Variants in MMP26 observed in about 807,000 individuals in gnomAD.
MMP26 encodes the protein matrix metallopeptidase 26, also known as matrix metalloproteinase-26.
A neutral mutation model predicts 31.0 loss-of-function variants in MMP26; 33 were observed. That is an observed-to-expected ratio of 1.06 (90% CI 0.81 to 1.42). MMP26 has a LOEUF of 1.42. MMP26 is among the 40% of genes most tolerant of loss of function. The pLI, the probability that MMP26 is intolerant of heterozygous loss-of-function variation, is 0.00. For missense variants in MMP26, 347 were observed against 316.1 expected (o/e 1.10, Z -0.74); for synonymous variants, 122 against 114.9 (o/e 1.06, Z -0.40).
rs867720989 is a variant in MMP26 at position 4,822,075 on chromosome 11, C to A, written c.-145+54734C>A. 31 of 1,613,682 alleles carry A rather than the reference C, an allele frequency of 1.9e-5. No individual in the cohort carries two copies. The Middle Eastern group carries it at 6.6e-4, about 34-fold the overall frequency. ...GGTTTGACTGCCCTTGCATCCTGCT[C>A]TCCTATATCCTGATCATTCGATCTG... On this transcript the variant is annotated intron_variant, in intron 2 of 7. Transcript: ENST00000380390.
At chr11:4,961,335 C>T (rs117899983) in intron 2 of MMP26, among the ~76,000 whole-genome samples, 2,553 of 152,288 alleles carry the variant, frequency 0.017, 28 homozygotes, top group Non-Finnish European at 0.025. Flanking sequence ...TGTATCTGTT[C>T]CCTCTGGGCC....
chr11:4,804,182 C>A lies in MMP26; in HGVS notation c.-145+36841C>A. 3 of 1,614,070 alleles carry A rather than the reference C, an allele frequency of 1.9e-6. No individual in the cohort carries two copies. The Admixed American group carries it at 5.0e-5, about 27-fold the overall frequency. ...ACCAGGTCAGTGATGGCCAGCATGGCCAGAAAGAGGTACATGGGCTCATGC... is the reference window on the plus strand; with the variant it reads ...ACCAGGTCAGTGATGGCCAGCATGGACAGAAAGAGGTACATGGGCTCATGC... On this transcript the variant is annotated intron_variant, in intron 2 of 7. Coordinates refer to ENST00000380390, the MANE Select transcript of MMP26 (RefSeq NM_021801.5).
chr11:4,753,277 T>C (rs1260909812), intron 1 of MMP26, among the ~76,000 whole-genome samples: 1 of 152,180 alleles, frequency 6.6e-6, no homozygotes. Flanking sequence ...TTGATTTTTA[T>C]ATAAATAGAA....
intron 2 of MMP26, chr11:4,923,391 A>T: frequency 6.4e-7 from 1 of 1,556,346 alleles, no homozygotes; most frequent in Non-Finnish European, 8.7e-7. Context: ...TTCCAAAAAC[A>T]CCTAAGTGAC....
At chr11:4,929,646 T>C (rs2164016) in intron 2 of MMP26, among the ~76,000 whole-genome samples, 15,581 of 152,168 alleles carry the variant, frequency 0.1, 948 homozygotes, top group Middle Eastern at 0.19. Context: ...CATTGTGAAA[T>C]AGAAGGGATA....
intron 2 of MMP26, among the ~76,000 whole-genome samples, chr11:4,870,684 G>A (rs1430029454): frequency 1.3e-5 from 2 of 152,096 alleles, no homozygotes; most frequent in Admixed American, 1.3e-4. Context: ...GTGAATTGTG[G>A]TGTGGTTAGT....
At chr11:4,946,330 G>A (rs750309930) in intron 2 of MMP26, 28 of 1,613,766 alleles carry the variant, frequency 1.7e-5, no homozygotes, top group Non-Finnish European at 2.3e-5. Flanking sequence ...CGGCCAGGTT[G>A]ATGATGGGCA....
intron 2 of MMP26, among the ~76,000 whole-genome samples, chr11:4,888,357 A>AT (rs1850571612): frequency 6.6e-6 from 1 of 152,108 alleles, no homozygotes; most frequent in Non-Finnish European, 1.5e-5. Flanking sequence ...ATAACAATGC[A>AT]TATTGTGTTA....
chr11:4,988,067 G>T lies in MMP26; in HGVS notation c.-144-1G>T. 1.4e-6 allele frequency: 1 copy of T among 728,330 alleles called. No individual in the cohort carries two copies. The allele number at this position is 728,330 out of a possible 1,614,324, so 45.1% of individuals were successfully genotyped here. On this transcript the variant is annotated splice_acceptor_variant, in intron 2 of 7. Coordinates refer to ENST00000380390, the MANE Select transcript of MMP26 (RefSeq NM_021801.5). LOFTEE classifies it low-confidence loss of function (5UTR_SPLICE). Reference sequence around the variant, plus strand: ...CATGCTGGTCACTCTGCCCTCAGCAGGTATGGATGATGACGCCACTCACAG... The same window carrying T: ...CATGCTGGTCACTCTGCCCTCAGCATGTATGGATGATGACGCCACTCACAG...
At chr11:4,956,764 C>T (rs1252423601) in intron 2 of MMP26, among the ~76,000 whole-genome samples, 3 of 152,178 alleles carry the variant, frequency 2.0e-5, no homozygotes, top group Non-Finnish European at 4.4e-5. Flanking sequence ...AGTTTTTCTC[C>T]CTTACCAAAT....
At chr11:4,901,595 A>G (rs948962879) in intron 2 of MMP26, among the ~76,000 whole-genome samples, 4 of 151,946 alleles carry the variant, frequency 2.6e-5, no homozygotes, top group African/African-American at 9.7e-5. Context: ...GGAGGTCACT[A>G]CATGTGGTAC....
intron 1 of MMP26, among the ~76,000 whole-genome samples, chr11:4,725,289 CA>C (rs1282811571): frequency 6.6e-6 from 1 of 152,158 alleles, no homozygotes; most frequent in Non-Finnish European, 1.5e-5. Context: ...ATAAAGATAA[CA>C]GCCTAAAAAG....
chr11:4,786,725 G>T (rs1848951886), intron 2 of MMP26: 1 of 152,168 alleles, frequency 6.6e-6, no homozygotes, highest in Admixed American at 6.6e-5. Context: ...GGTGCTCAAT[G>T]AAGTCAGGTA....
At chr11:4,746,727 G>A (rs914209008) in intron 1 of MMP26, among the ~76,000 whole-genome samples, 7 of 151,914 alleles carry the variant, frequency 4.6e-5, no homozygotes, top group Non-Finnish European at 4.4e-5. Context: ...CCAGTTACTC[G>A]GGAGGCAGAG....
At chr11:4,869,421 A>T (rs1397136916) in intron 2 of MMP26, among the ~76,000 whole-genome samples, 4 of 152,230 alleles carry the variant, frequency 2.6e-5, no homozygotes, top group Non-Finnish European at 5.9e-5. Context: ...ATGAACAGAC[A>T]CTTCTCAAAA....
intron 2 of MMP26, among the ~76,000 whole-genome samples, chr11:4,824,298 A>G (rs1430682484): frequency 5.9e-5 from 9 of 152,134 alleles, no homozygotes; most frequent in African/African-American, 2.2e-4. Context: ...CTGTTCATTT[A>G]GCTCGTCTCC....
chr11:4,870,962 A>G (rs1850303332), intron 2 of MMP26, among the ~76,000 whole-genome samples: 1 of 152,156 alleles, frequency 6.6e-6, no homozygotes, highest in Non-Finnish European at 1.5e-5. Flanking sequence ...AAAAGATCAA[A>G]TAAAAGATAC....
intron 2 of MMP26, among the ~76,000 whole-genome samples, chr11:4,790,646 G>A (rs1326336881): frequency 6.6e-6 from 1 of 152,116 alleles, no homozygotes; most frequent in Non-Finnish European, 1.5e-5. Flanking sequence ...AGTAGGAAAG[G>A]GCCCAGGTAA....
At position 4,989,768 on chromosome 11, in the gene MMP26, C is replaced by A. The variant is rs1440899686; in HGVS notation, c.220C>A (p.His74Asn). The change falls in exon 4 of 8, where the codon CAT becomes AAT. Residue 74 changes from histidine to asparagine, a missense_variant. Physicochemically the swap from His to Asn is moderately conservative, Grantham distance 68. Coordinates refer to ENST00000380390, the MANE Select transcript of MMP26 (RefSeq NM_021801.5). ...GACAGACCTACTTGACATGCAGATG[C>A]ATGCTCTGCTACACCAGCCCCACTG... Reference protein sequence around the residue: ...NGTDLLDMQMHALLHQPHCGV... With the variant: ...NGTDLLDMQMNALLHQPHCGV... The A allele has an allele frequency of 1.2e-6, 2 of 1,613,852 alleles. No individual in the cohort carries two copies. Among genetic ancestry groups the A allele is most frequent in the Admixed American group, 1.7e-5 (1 of 60,020 alleles).
Sources: allele counts gnomAD v4.1 joint callset (sites outside exome capture counted in the v4.1 genomes callset), GRCh38; gene constraint gnomAD v4.1.1; transcripts MANE v1.5; gene names NCBI Gene and HGNC (gene_info 2026-07-23, HGNC 2026-07-21).